WAC: variants seen among roughly 807,000 people sequenced by gnomAD.
WAC encodes WW domain containing adaptor with coiled-coil.
In WAC, 11 loss-of-function variants were observed where a neutral mutation model predicts 79.6. The observed-to-expected ratio is 0.14, with a 90% CI of 0.09 to 0.23. WAC has a LOEUF of 0.23. Among genes scored for constraint, WAC ranks in the 10% least tolerant of loss-of-function variants. WAC has a pLI of 1.00. For missense variants in WAC, 728 were observed against 773.5 expected (o/e 0.94, Z 0.70); for synonymous variants, 304 against 276.9 (o/e 1.10, Z -0.97).
At chr10:28,577,916 T>C (rs1332831829) in intron 3 of WAC, among the ~76,000 whole-genome samples, 3 of 152,298 alleles carry the variant, frequency 2.0e-5, no homozygotes, top group Admixed American at 1.3e-4. Flanking sequence ...CCCAGCACTT[T>C]GGGAGACCAA....
chr10:28,549,823 C>T (rs889373400), intron 3 of WAC, among the ~76,000 whole-genome samples: 2 of 152,160 alleles, frequency 1.3e-5, no homozygotes, highest in African/African-American at 2.4e-5. Flanking sequence ...AAGTTAGCAT[C>T]TCAGACTAGG....
chr10:28,617,091 A>C (rs1564423040), intron 12 of WAC, among the ~76,000 whole-genome samples: 1 of 149,838 alleles, frequency 6.7e-6, no homozygotes, highest in Non-Finnish European at 1.5e-5. Flanking sequence ...TCAAAAAAAC[A>C]AAAAAAAACC....
At chr10:28,569,069 A>G (rs764155198) in intron 3 of WAC, among the ~76,000 whole-genome samples, 4 of 152,204 alleles carry the variant, frequency 2.6e-5, no homozygotes, top group African/African-American at 4.8e-5. Context: ...AAGTTCCTGG[A>G]TACTAAATAG....
chr10:28,608,928 A>G (rs1429227029), intron 8 of WAC, among the ~76,000 whole-genome samples: 1 of 152,088 alleles, frequency 6.6e-6, no homozygotes, highest in Non-Finnish European at 1.5e-5. Flanking sequence ...AAATGTTGCC[A>G]TTTTTTTCCT....
At chr10:28,595,260 A>G (rs1012039047) in intron 6 of WAC, among the ~76,000 whole-genome samples, 2 of 152,224 alleles carry the variant, frequency 1.3e-5, no homozygotes, top group Admixed American at 1.3e-4. Context: ...ATTCAGAAAG[A>G]CCAGGCTAAT....
intron 3 of WAC, among the ~76,000 whole-genome samples, chr10:28,543,577 A>G (rs1275931745): frequency 6.6e-6 from 1 of 152,172 alleles, no homozygotes; most frequent in Non-Finnish European, 1.5e-5. Context: ...GCTTTTACAT[A>G]TATTTTTATT....
intron 3 of WAC, 129 bp downstream of exon 3, chr10:28,535,886 CATT>C (rs1836634651): frequency 1.3e-6 from 1 of 792,768 alleles, no homozygotes; most frequent in Non-Finnish European, 1.9e-6. Context: ...TTAATCCTAT[CATT>C]TTTTTTTTAC....
At chr10:28,541,101 CCTTAA>C (rs1836992167) in intron 3 of WAC, among the ~76,000 whole-genome samples, 1 of 151,996 alleles carries the variant, frequency 6.6e-6, no homozygotes, top group African/African-American at 2.4e-5. Flanking sequence ...ATCCTTAGAT[CCTTAA>C]GACAGTCTTA....
intron 9 of WAC, 145 bp from the exon 10 acceptor site, chr10:28,611,629 T>G: frequency 7.9e-7 from 1 of 1,258,924 alleles, no homozygotes; most frequent in Non-Finnish European, 1.1e-6. Context: ...AGATTCTGAT[T>G]TATTCCAATA....
chr10:28,540,340 G>A (rs1167298308), intron 3 of WAC, among the ~76,000 whole-genome samples: 4 of 152,128 alleles, frequency 2.6e-5, no homozygotes, highest in African/African-American at 7.2e-5. Flanking sequence ...AAACACTTGG[G>A]TATTGAAAGC....
At chr10:28,608,117 GTTCC>G in intron 7 of WAC, 65 bp from the exon 8 acceptor site, 1 of 1,576,566 alleles carries the variant, frequency 6.3e-7, no homozygotes, top group East Asian at 2.2e-5. Flanking sequence ...CATGAGAGGT[GTTCC>G]TTTGATGTTT....
intron 5 of WAC, 55 bp from the exon 6 acceptor site, chr10:28,590,665 G>T (rs1224138033): frequency 6.9e-7 from 1 of 1,450,158 alleles, no homozygotes; most frequent in South Asian, 1.3e-5. Flanking sequence ...GTTTAGTATG[G>T]AAACTCATGC....
chr10:28,538,742 T>A (rs1341134533), intron 3 of WAC, among the ~76,000 whole-genome samples: 39 of 144,914 alleles, frequency 2.7e-4, no homozygotes, highest in Admixed American at 9.6e-4. Context: ...AAAAAAAAAA[T>A]TTTTTTTTTG....
At chr10:28,605,135 AT>A (rs1398625540) in intron 7 of WAC, among the ~76,000 whole-genome samples, 2 of 152,170 alleles carry the variant, frequency 1.3e-5, no homozygotes, top group Admixed American at 6.5e-5. Context: ...TGGATAAAAG[AT>A]TTCGCTTCTG....
chr10:28,604,549 T>C (rs1840837896), intron 7 of WAC, among the ~76,000 whole-genome samples: 1 of 152,060 alleles, frequency 6.6e-6, no homozygotes, highest in African/African-American at 2.4e-5. Flanking sequence ...TTGGCCAATA[T>C]GGCAAAATCC....
At position 28,533,603 on chromosome 10, in the gene WAC, G is replaced by C. The variant is rs149503007; in HGVS notation, c.24G>C (p.Gln8His). 2 of 1,595,552 alleles carry C rather than the reference G, an allele frequency of 1.3e-6. No individual in the cohort carries two copies. The highest frequency in any genetic ancestry group is 1.7e-6 in the Non-Finnish European group (2 of 1,170,616). The change falls in exon 1 of 14, where the codon CAG (glutamine) becomes CAC (histidine). Residue 8 changes from glutamine (Q) to histidine (H), a missense_variant. Physicochemically the swap from Gln to His is conservative, Grantham distance 24. This residue lies in a region of WAC where 648 missense variants were observed against 661.5 expected (regional missense o/e 0.98). Coordinates refer to ENST00000354911, the MANE Select transcript of WAC (RefSeq NM_016628.5). ...TGATGGTAATGTATGCGAGGAAACA[G>C]CAGAGACTCAGTGATGGGTAAATTG... MVMYARK[Q>H]QRLSDGCHDR...
rs1839207344 is a variant in WAC at position 28,575,750 on chromosome 10, T to C, written c.275-7649T>C. Among the ~76,000 whole-genome samples the C allele has an allele frequency of 2.0e-5, 3 of 152,240 alleles. 1 individual carries two copies. ...CTTACCAGATGTATGATTAGCAACA[T>C]TCTATGTGTTGTCTTTTCACTTTCT... On this transcript the variant is annotated intron_variant, in intron 3 of 13. Transcript: ENST00000354911.
chr10:28,611,104 T>G (rs1841218681), intron 9 of WAC: 3 of 593,908 alleles, frequency 5.1e-6, no homozygotes, highest in Non-Finnish European at 7.8e-6. Flanking sequence ...TTAATGAGTT[T>G]TTTTATGCCA....
intron 3 of WAC, among the ~76,000 whole-genome samples, chr10:28,541,002 A>G (rs1383200785): frequency 6.6e-6 from 1 of 152,082 alleles, no homozygotes; most frequent in Non-Finnish European, 1.5e-5. Context: ...TTAACTTTTT[A>G]TATTTTTAGA....
Sources: allele counts gnomAD v4.1 joint callset (sites outside exome capture counted in the v4.1 genomes callset), GRCh38; gene constraint gnomAD v4.1.1; regional missense constraint gnomAD v4.1.1; transcripts MANE v1.5; gene names NCBI Gene and HGNC (gene_info 2026-07-23, HGNC 2026-07-21).